GLIS3: variants seen among roughly 807,000 people sequenced by gnomAD.
GLIS3 encodes the protein zinc finger protein GLIS3.
A neutral mutation model predicts 78.6 loss-of-function variants in GLIS3; 53 were observed. That is an observed-to-expected ratio of 0.67 (90% CI 0.54 to 0.85). The LOEUF (loss-of-function observed/expected upper bound fraction) is 0.85. GLIS3 is among the 40% of genes least tolerant of loss of function. The probability of loss-of-function intolerance (pLI) is 0.00; values close to 1 mark genes in which losing one functional copy is unlikely to be tolerated. For synonymous variants in GLIS3, 684 were observed against 509.9 expected (o/e 1.34, Z -4.60); for missense variants, 1,703 against 1,231.1 (o/e 1.38, Z -5.74).
chr9:4,004,561 A>G (rs1821390699), intron 4 of GLIS3, among the ~76,000 whole-genome samples: 1 of 152,224 alleles, frequency 6.6e-6, no homozygotes, highest in African/African-American at 2.4e-5. Context: ...ATGTTGATCT[A>G]CAAGAAAAAA....
intron 4 of GLIS3, among the ~76,000 whole-genome samples, chr9:3,965,254 C>T (rs1159600765): frequency 7.8e-6 from 1 of 128,264 alleles, no homozygotes; most frequent in African/African-American, 3.0e-5. Flanking sequence ...AGTGCAGTGG[C>T]GTGATCTCGG....
upstream of GLIS3, among the ~76,000 whole-genome samples, chr9:4,349,802 C>A (rs1333208426): frequency 6.6e-6 from 1 of 152,138 alleles, no homozygotes; most frequent in Non-Finnish European, 1.5e-5. Flanking sequence ...AACCTAAATT[C>A]ATGGTGGCAA....
chr9:4,489,510 C>T, the GLIS3 span, among the ~76,000 whole-genome samples: 1 of 152,052 alleles, frequency 6.6e-6, no homozygotes, highest in African/African-American at 2.4e-5. Context: ...TGCGGAGGTA[C>T]TGATTTGGTA....
At chr9:4,489,680 C>G in the GLIS3 span, among the ~76,000 whole-genome samples, 1 of 152,160 alleles carries the variant, frequency 6.6e-6, no homozygotes, top group Non-Finnish European at 1.5e-5. Context: ...GGGGATGGAC[C>G]GCCCACTTTC....
chr9:4,013,458 C>T (rs1468191896), intron 4 of GLIS3, among the ~76,000 whole-genome samples: 1 of 152,130 alleles, frequency 6.6e-6, no homozygotes, highest in East Asian at 1.9e-4. Context: ...CTTGGAGATT[C>T]ATTGTTTCAT....
At chr9:3,882,354 C>T (rs535792744) in intron 7 of GLIS3, among the ~76,000 whole-genome samples, 6 of 152,174 alleles carry the variant, frequency 3.9e-5, no homozygotes, top group African/African-American at 1.2e-4. Flanking sequence ...TTGAGGGGCA[C>T]GTGTACCAGA....
At chr9:3,874,940 C>T (rs568079164) in intron 8 of GLIS3, among the ~76,000 whole-genome samples, 6 of 152,320 alleles carry the variant, frequency 3.9e-5, no homozygotes, top group Non-Finnish European at 5.9e-5. Flanking sequence ...AACGACAAAG[C>T]GCACTGTTTG....
chr9:4,424,562 T>A, the GLIS3 span, among the ~76,000 whole-genome samples: 1 of 152,066 alleles, frequency 6.6e-6, no homozygotes, highest in Non-Finnish European at 1.5e-5. Context: ...TTGCTTTTGT[T>A]TTTGTTTGTT....
At chr9:4,056,729 G>T (rs752545194) in intron 4 of GLIS3, among the ~76,000 whole-genome samples, 1 of 151,806 alleles carries the variant, frequency 6.6e-6, no homozygotes, top group Admixed American at 6.6e-5. Context: ...ACCCCACCAC[G>T]CACACACAAA....
chr9:4,041,805 T>C (rs139713917), intron 4 of GLIS3, among the ~76,000 whole-genome samples: 243 of 152,296 alleles, frequency 1.6e-3, no homozygotes, highest in African/African-American at 5.7e-3. Flanking sequence ...ACTATTTCCT[T>C]AAAAGATAAA....
At chr9:4,077,666 C>A (rs1588617356) in intron 4 of GLIS3, among the ~76,000 whole-genome samples, 2 of 152,120 alleles carry the variant, frequency 1.3e-5, no homozygotes, top group African/African-American at 4.8e-5. Flanking sequence ...CCAGGGTAGT[C>A]CCTGTCGGCC....
chr9:4,399,351 C>G, the GLIS3 span, among the ~76,000 whole-genome samples: 4 of 152,182 alleles, frequency 2.6e-5, no homozygotes. Context: ...CTAATATGTG[C>G]CAAGCACTGC....
At chr9:4,309,995 C>G (rs1294150187) in intron 3 of GLIS3, among the ~76,000 whole-genome samples, 1 of 152,170 alleles carries the variant, frequency 6.6e-6, no homozygotes, top group Admixed American at 6.5e-5. Flanking sequence ...ACTGTCTGAA[C>G]GCAAACAGCA....
the GLIS3 span, among the ~76,000 whole-genome samples, chr9:4,364,423 T>G: frequency 2.0e-5 from 3 of 152,046 alleles, no homozygotes; most frequent in Non-Finnish European, 4.4e-5. Flanking sequence ...TAATAGGAAA[T>G]TGGTTAAATT....
At chr9:4,360,558 C>A in the GLIS3 span, among the ~76,000 whole-genome samples, 1 of 152,136 alleles carries the variant, frequency 6.6e-6, no homozygotes, top group East Asian at 1.9e-4. Flanking sequence ...CTCATTTATT[C>A]CTCACCTTAA....
At chr9:4,446,719 T>C in the GLIS3 span, among the ~76,000 whole-genome samples, 1 of 151,134 alleles carries the variant, frequency 6.6e-6, no homozygotes, top group Non-Finnish European at 1.5e-5. Flanking sequence ...TTCACCAAGT[T>C]GGCCAGACTG....
chr9:4,413,646 G>C, the GLIS3 span, among the ~76,000 whole-genome samples: 1 of 151,980 alleles, frequency 6.6e-6, no homozygotes, highest in African/African-American at 2.4e-5. Context: ...CCATGACTTA[G>C]GAGGGAACCC....
chr9:3,882,227 C>G (rs897176408), intron 7 of GLIS3, among the ~76,000 whole-genome samples: 10 of 152,160 alleles, frequency 6.6e-5, no homozygotes, highest in Admixed American at 5.2e-4. Flanking sequence ...TATAAATGCC[C>G]ATGGAATCTC....
chr9:4,204,318 G>C (rs935156960), intron 2 of GLIS3, among the ~76,000 whole-genome samples: 5 of 152,056 alleles, frequency 3.3e-5, no homozygotes, highest in African/African-American at 9.7e-5. Context: ...GAAAATATTT[G>C]GCTTTGGTTT....
Sources: allele counts gnomAD v4.1 joint callset (sites outside exome capture counted in the v4.1 genomes callset), GRCh38; gene constraint gnomAD v4.1.1; transcripts MANE v1.5; gene names NCBI Gene and HGNC (gene_info 2026-07-23, HGNC 2026-07-21).